The following ROBO3 variants were observed in gnomAD, a reference collection of about 807,000 sequenced individuals.
ROBO3 encodes the protein roundabout guidance receptor 3, also known as roundabout homolog 3.
A neutral mutation model predicts 160.5 loss-of-function variants in ROBO3; 97 were observed. That is an observed-to-expected ratio of 0.60 (90% CI 0.51 to 0.72). The LOEUF is 0.72. Among genes scored for constraint, ROBO3 ranks in the 30% least tolerant of loss-of-function variants. The pLI, the probability that ROBO3 is intolerant of heterozygous loss-of-function variation, is 0.00. For missense variants in ROBO3, 1,858 were observed against 1,846.5 expected, an observed-to-expected ratio of 1.01 and a Z score of -0.11; for synonymous variants, 780 against 746.2, an observed-to-expected ratio of 1.05 and a Z score of -0.74.
In ROBO3 at chr11:124,872,376, C is replaced by T. The variant is rs751264337; in HGVS notation, c.1159-5C>T. On this transcript the variant is annotated splice_region_variant and splice_polypyrimidine_tract_variant and intron_variant, in intron 7 of 27. Coordinates refer to ENST00000397801, the MANE Select transcript of ROBO3 (RefSeq NM_022370.4). The surrounding 1 kb of genome is among the most constrained non-coding windows in gnomAD (Gnocchi z 4.3). Reference sequence around the variant, plus strand: ...CCCTACCCTGGTTCCTTGCTCTGTCCCCAGGTCCTGCTTTTCCCCAGTCAG... The same window carrying T: ...CCCTACCCTGGTTCCTTGCTCTGTCTCCAGGTCCTGCTTTTCCCCAGTCAG... 1.2e-6 allele frequency: 2 copies of T among 1,613,766 alleles called. No individual in the cohort carries two copies. Among genetic ancestry groups the T allele is most frequent in the African/African-American group, 2.7e-5 (2 of 74,900 alleles).
rs565433722 is a variant in ROBO3, at chr11:124,869,805, T to C, written c.646-143T>C. 2.3e-6 allele frequency: 3 copies of C among 1,302,082 alleles called. No homozygotes were observed. 80.7% of individuals were successfully genotyped at this position (1,302,082 alleles called of 1,614,324 possible). A position where few individuals can be genotyped will look rare whatever the true frequency, so the allele number is the denominator to read the frequency against. On this transcript the variant is annotated intron_variant, in intron 3 of 27. Transcript: ENST00000397801. The surrounding 1 kb of genome is among the most constrained non-coding windows in gnomAD (Gnocchi z 4.2). ...CCCCAGGAACTTCCCATTTGATATG[T>C]GGGTCAACTTCCTTGGTCTCCTTTA...
In ROBO3 at chr11:124,869,429, G is replaced by GCGGGCC; in HGVS notation, c.488-20_488-19insGGGCCC. 7.7e-7 allele frequency: 1 copy of GCGGGCC among 1,295,764 alleles called. No individual in the cohort carries two copies. Among genetic ancestry groups the GCGGGCC allele is most frequent in the Non-Finnish European group, 1.1e-6 (1 of 929,942 alleles). The allele number at this position is 1,295,764 out of a possible 1,614,324, so 80.3% of individuals were successfully genotyped here. On this transcript the variant is annotated intron_variant, in intron 2 of 27. Transcript: ENST00000397801. The surrounding 1 kb of genome is among the most constrained non-coding windows in gnomAD (Gnocchi z 4.2). ...TGTCACTCTACACCCTGCTTATTTC[G>GCGGGCC]CCCCCCACCGCCCCGCCCAGTCCTC...
chr11:124,870,783 G>T, intron 6 of ROBO3, 55 bp downstream of exon 6: 1 of 1,592,258 alleles, frequency 6.3e-7, no homozygotes, highest in Non-Finnish European at 8.6e-7. Flanking sequence ...GGGAGAAGGA[G>T]GATGGTTGGC....
In ROBO3 at chr11:124,878,947, G is replaced by A; in HGVS notation, c.3533+151G>A. 2.5e-6 allele frequency: 2 copies of A among 804,282 alleles called. No individual in the cohort carries two copies. Among genetic ancestry groups the A allele is most frequent in the Non-Finnish European group, 3.9e-6 (2 of 509,444 alleles). The allele number at this position is 804,282 out of a possible 1,614,324, so 49.8% of individuals were successfully genotyped here. A position where few individuals can be genotyped will look rare whatever the true frequency, so the allele number is the denominator to read the frequency against. On this transcript the variant is annotated intron_variant, in intron 23 of 27. Coordinates refer to ENST00000397801, the MANE Select transcript of ROBO3 (RefSeq NM_022370.4). The surrounding 1 kb of genome is among the most constrained non-coding windows in gnomAD (Gnocchi z 4.3). ...CAGGGTGGAAGTGTAATTTGGGCAGGAATATGGAGGCTGACAAGATCTCTC... is the reference window on the plus strand; with the variant it reads ...CAGGGTGGAAGTGTAATTTGGGCAGAAATATGGAGGCTGACAAGATCTCTC...
Position 124,872,760 on chromosome 11 carries a change from C to T in ROBO3, c.1331-124C>T, listed in dbSNP as rs548528017. 628 of 975,320 alleles carry T rather than the reference C, an allele frequency of 6.4e-4. 4 individuals carry two copies. The highest frequency in any genetic ancestry group is 8.4e-5 in the Non-Finnish European group (57 of 676,638). 60.4% of individuals were successfully genotyped at this position (975,320 alleles called of 1,614,324 possible). ...GACTTCAGATGATTATCAAAGCCCC[C>T]TCTGATCACCGGAAGTTTCAGGGGC... On this transcript the variant is annotated intron_variant, in intron 8 of 27. Coordinates refer to ENST00000397801, the MANE Select transcript of ROBO3 (RefSeq NM_022370.4). This position sits in a 1 kb window ranked among gnomAD's most constrained non-coding sequence, Gnocchi z 4.3.
In ROBO3 at chr11:124,878,965, G is replaced by A. The variant is rs940962984; in HGVS notation, c.3533+169G>A. On this transcript the variant is annotated intron_variant, in intron 23 of 27. Coordinates refer to ENST00000397801, the MANE Select transcript of ROBO3 (RefSeq NM_022370.4). The surrounding 1 kb of genome is among the most constrained non-coding windows in gnomAD (Gnocchi z 4.3). Reference sequence around the variant, plus strand: ...TGGGCAGGAATATGGAGGCTGACAAGATCTCTCATGCCCATTAGACTGGCT... The same window carrying A: ...TGGGCAGGAATATGGAGGCTGACAAAATCTCTCATGCCCATTAGACTGGCT... The A allele has an allele frequency of 2.2e-5, 17 of 761,934 alleles. No homozygotes were observed. In the African/African-American group the frequency reaches 2.4e-4, roughly 11 times the overall value. The allele number at this position is 761,934 out of a possible 1,614,324, so 47.2% of individuals were successfully genotyped here.
chr11:124,880,324 C>T (rs1244279232), intron 26 of ROBO3, 94 bp from the exon 27 acceptor site: 1 of 1,532,316 alleles, frequency 6.5e-7, no homozygotes, highest in African/African-American at 1.4e-5. Context: ...TCATCTTCTT[C>T]CAGAGCTGAG....
rs1209105502 is a variant in ROBO3 at position 124,876,321 on chromosome 11, G to A, written c.2640G>A (p.Leu880=). 1 of 1,444,456 alleles carries A rather than the reference G, an allele frequency of 6.9e-7. No individual in the cohort carries two copies. Among genetic ancestry groups the A allele is most frequent in the Non-Finnish European group, 9.0e-7 (1 of 1,110,746 alleles). The allele number at this position is 1,444,456 out of a possible 1,614,324, so 89.5% of individuals were successfully genotyped here. A position where few individuals can be genotyped will look rare whatever the true frequency, so the allele number is the denominator to read the frequency against. Residue 880 remains leucine, a synonymous_variant, in exon 17 of 28, where the codon CTG becomes CTA. Transcript: ENST00000397801. This position sits in a 1 kb window ranked among gnomAD's most constrained non-coding sequence, Gnocchi z 5.3. ...CCGGGCTGGAGGTGGGCGCGGGGCT[G>A]GCGGTGCGGCTGGCGAGGGTGCTGC... The part of the protein sequence containing the change: ...LEPGLEVGAG[L]AVRLARVLRE...
In ROBO3 at chr11:124,872,946, G is replaced by C; in HGVS notation, c.1393G>C (p.Gly465Arg). 1 of 1,612,994 alleles carries C rather than the reference G, an allele frequency of 6.2e-7. No homozygotes were observed. The highest frequency in any genetic ancestry group is 8.5e-7 in the Non-Finnish European group (1 of 1,179,790). Residue 465 changes from glycine to arginine, a missense_variant, in exon 9 of 28, where the codon GGC becomes CGC. Gly to Arg is a moderately radical substitution (Grantham distance 125). Transcript: ENST00000397801. This position sits in a 1 kb window ranked among gnomAD's most constrained non-coding sequence, Gnocchi z 4.3. ...QGPANQTLVL[G>R]SSVWLPCRVT... ...ACCAGCCAATCAGACGCTGGTGCTTGGCTCCTCCGTGTGGCTGCCCTGCAG... is the reference window on the plus strand; with the variant it reads ...ACCAGCCAATCAGACGCTGGTGCTTCGCTCCTCCGTGTGGCTGCCCTGCAG...
rs984508232 is a variant in ROBO3 at position 124,876,369 on chromosome 11, C to T, written c.2688C>T (p.Gly896=). ...RVLREPAFLA[G]SGAACGALLL... The stretch of plus-strand genomic sequence containing the variant: ...TGCGGGAGCCCGCCTTCCTCGCGGG[C>T]AGCGGCGCAGCCTGCGGGGCGCTGC... The change falls in exon 17 of 28, where the codon GGC becomes GGT. Residue 896 remains glycine, a synonymous_variant. Transcript: ENST00000397801. This position sits in a 1 kb window ranked among gnomAD's most constrained non-coding sequence, Gnocchi z 5.3. 28 of 1,437,792 alleles carry T rather than the reference C, an allele frequency of 1.9e-5. No individual in the cohort carries two copies. The highest frequency in any genetic ancestry group is 2.5e-5 in the Non-Finnish European group (28 of 1,104,020). 89.1% of individuals were successfully genotyped at this position (1,437,792 alleles called of 1,614,324 possible).
At position 124,869,971 on chromosome 11, in the gene ROBO3, G is replaced by A; in HGVS notation, c.669G>A (p.Met223Ile). ...RITIRGGKLM[M>I]SHTLKSDAGM... ...AGATCCGTGGAGGGAAGCTGATGAT[G>A]TCACATACACTCAAGAGCGATGCAG... Residue 223 changes from methionine (M) to isoleucine (I), a missense_variant, in exon 4 of 28, where the codon ATG (methionine) becomes ATA (isoleucine). Transcript: ENST00000397801. The surrounding 1 kb of genome is among the most constrained non-coding windows in gnomAD (Gnocchi z 4.2). 1 of 1,611,886 alleles carries A rather than the reference G, an allele frequency of 6.2e-7. No homozygotes were observed.
rs928244357 is a variant in ROBO3 at position 124,873,993 on chromosome 11, T to G, written c.1785-77T>G. The G allele has an allele frequency of 2.5e-6, 4 of 1,595,146 alleles. No homozygotes were observed. The highest frequency in any genetic ancestry group is 1.7e-5 in the Admixed American group (1 of 59,826). Reference sequence around the variant, plus strand: ...AAGGGGAAGACATAATGGTCGTTCATAGAGAGTGGATGAGATGGAGTAGGC... The same window carrying G: ...AAGGGGAAGACATAATGGTCGTTCAGAGAGAGTGGATGAGATGGAGTAGGC... On this transcript the variant is annotated intron_variant, in intron 11 of 27. Coordinates refer to ENST00000397801, the MANE Select transcript of ROBO3 (RefSeq NM_022370.4). This position sits in a 1 kb window ranked among gnomAD's most constrained non-coding sequence, Gnocchi z 4.5.
intron 12 of ROBO3, among the ~76,000 whole-genome samples, 185 bp from the exon 13 acceptor site, chr11:124,874,603 G>A (rs1468470051): frequency 6.6e-6 from 1 of 152,236 alleles, no homozygotes; most frequent in Non-Finnish European, 1.5e-5. Context: ...GGATGCATGT[G>A]TAATTATGCT....
chr11:124,868,722 G>A, intron 1 of ROBO3, 80 bp from the exon 2 acceptor site: 1 of 1,383,904 alleles, frequency 7.2e-7, no homozygotes, highest in East Asian at 2.5e-5. Flanking sequence ...AACGACCAGA[G>A]GATTCTCTTT....
chr11:124,874,935 C>G (rs1302806930), intron 13 of ROBO3, 26 bp downstream of exon 13: 8 of 1,597,000 alleles, frequency 5.0e-6, no homozygotes, highest in Non-Finnish European at 6.8e-6. Context: ...GGAGGAGATT[C>G]AGGGTGGGGA....
intron 1 of ROBO3, chr11:124,868,380 T>G: frequency 2.3e-6 from 1 of 438,426 alleles, no homozygotes; most frequent in Non-Finnish European, 4.2e-6. Flanking sequence ...AGTGCACGGT[T>G]TATGGTCTTT....
At position 124,873,705 on chromosome 11, in the gene ROBO3, G is replaced by A. The variant is rs1355268489; in HGVS notation, c.1627G>A (p.Gly543Arg). 6.2e-7 allele frequency: 1 copy of A among 1,611,492 alleles called. No individual in the cohort carries two copies. ...ATTATCTCCCACTGCAGAAGACTGGGGAGTATCACCAGACCCCCCTACAGA... is the reference window on the plus strand; with the variant it reads ...ATTATCTCCCACTGCAGAAGACTGGAGAGTATCACCAGACCCCCCTACAGA... ...SGWLKMREDW[G>R]VSPDPPTEPS... is the part of the protein sequence containing the mutation. Residue 543 changes from glycine (G) to arginine (R), a missense_variant, in exon 11 of 28, where the codon GGA (glycine) becomes AGA (arginine). Coordinates refer to ENST00000397801, the MANE Select transcript of ROBO3 (RefSeq NM_022370.4). This position sits in a 1 kb window ranked among gnomAD's most constrained non-coding sequence, Gnocchi z 4.5.
Position 124,865,547 on chromosome 11 carries a change from C to G in ROBO3, c.-31C>G. On this transcript the variant is annotated 5_prime_UTR_variant, in exon 1 of 28. Transcript: ENST00000397801. This position sits in a 1 kb window ranked among gnomAD's most constrained non-coding sequence, Gnocchi z 5.5. ...TCAGACCCAGGGGCTGGGCCCCCAGCCCCCAGTCCCGATCCCAGCTGGGTC... is the reference window on the plus strand; with the variant it reads ...TCAGACCCAGGGGCTGGGCCCCCAGGCCCCAGTCCCGATCCCAGCTGGGTC... The G allele has an allele frequency of 3.7e-6, 6 of 1,604,682 alleles. No individual in the cohort carries two copies. The highest frequency in any genetic ancestry group is 5.1e-6 in the Non-Finnish European group (6 of 1,177,350).
In ROBO3 at chr11:124,870,678, C is replaced by G; in HGVS notation, c.983C>G (p.Ala328Gly). The G allele has an allele frequency of 6.2e-7, 1 of 1,612,868 alleles. No homozygotes were observed. Among genetic ancestry groups the G allele is most frequent in the Non-Finnish European group, 8.5e-7 (1 of 1,179,550 alleles). Residue 328 changes from alanine (A) to glycine (G), a missense_variant, in exon 6 of 28, where the codon GCG becomes GGG. Physicochemically the swap from Ala to Gly is moderately conservative, Grantham distance 60 (BLOSUM62 0). Coordinates refer to ENST00000397801, the MANE Select transcript of ROBO3 (RefSeq NM_022370.4). Reference sequence around the variant, plus strand: ...GATGAGGGAACGTACACCTGTGTGGCGGAGAACAGTGTGGGCCGCGCTGAA... The same window carrying G: ...GATGAGGGAACGTACACCTGTGTGGGGGAGAACAGTGTGGGCCGCGCTGAA... Reference protein sequence around the residue: ...AEDEGTYTCVAENSVGRAEAS... With the variant: ...AEDEGTYTCVGENSVGRAEAS...
Sources: gnomAD v4.1 joint callset for allele counts (sites outside exome capture counted in the v4.1 genomes callset) on GRCh38, gnomAD v4.1.1 for gene constraint, Gnocchi (gnomAD v3.1) non-coding constraint, MANE v1.5 for transcripts, NCBI Gene and HGNC (gene_info 2026-07-23, HGNC 2026-07-21) for gene names.